GNB1L: variants seen among roughly 807,000 people sequenced by gnomAD.
The protein encoded by GNB1L is guanine nucleotide-binding protein subunit beta-like protein 1.
A neutral mutation model predicts 29.1 loss-of-function variants in GNB1L; 20 were observed. That is an observed-to-expected ratio of 0.69 (90% CI 0.48 to 1.00). The LOEUF (loss-of-function observed/expected upper bound fraction) is 1.00, where lower values mean the gene tolerates loss of function less well. Among genes scored for constraint, GNB1L ranks in the 50% least tolerant of loss-of-function variants. The pLI is 0.00. For synonymous variants in GNB1L, 193 were observed against 206.5 expected (o/e 0.93, Z 0.56); for missense variants, 421 against 464.9 (o/e 0.91, Z 0.87).
intron 2 of GNB1L, chr22:19,846,104 A>G (rs1937954019): frequency 6.6e-6 from 1 of 151,822 alleles, no homozygotes; most frequent in African/African-American, 2.4e-5. Context: ...TCAGGACATA[A>G]TAGGTTATGC....
At position 19,820,320 on chromosome 22, in the gene GNB1L, C is replaced by T. The variant is rs187388070; in HGVS notation, c.254+278G>A. On this transcript the variant is annotated intron_variant, in intron 4 of 7. Coordinates refer to ENST00000329517, the MANE Select transcript of GNB1L (RefSeq NM_053004.3). ...CGCCTGGGCTCACCTCAGATGTCACCAGCCCTGGAGCTCTGGCCTCCTCAC... is the reference window on the plus strand; with the variant it reads ...CGCCTGGGCTCACCTCAGATGTCACTAGCCCTGGAGCTCTGGCCTCCTCAC... Among the ~76,000 whole-genome samples, 18 of 152,328 alleles carry T rather than the reference C, an allele frequency of 1.2e-4. No individual in the cohort carries two copies. The East Asian group carries it at 3.5e-3, about 29-fold the overall frequency.
At chr22:19,802,782 C>T (rs1349858278) in intron 6 of GNB1L, among the ~76,000 whole-genome samples, 1 of 152,232 alleles carries the variant, frequency 6.6e-6, no homozygotes, top group East Asian at 1.9e-4. Flanking sequence ...CTGCCGAAGC[C>T]CCTGCCCCTG....
chr22:19,787,503 G>C lies in GNB1L; in HGVS notation c.*1206C>G, dbSNP rs1223263669. The C allele has an allele frequency of 1.3e-5, 2 of 152,550 alleles. No individual in the cohort carries two copies. The highest frequency in any genetic ancestry group is 4.8e-5 in the African/African-American group (2 of 41,476). The allele number at this position is 152,550 out of a possible 1,614,324, so 9.4% of individuals were successfully genotyped here. Reference sequence around the variant, plus strand: ...GCCTGGAAACCTGGAAATGCCATGTGGTCCTGCAGGAGGCTGGTGCCACTC... The same window carrying C: ...GCCTGGAAACCTGGAAATGCCATGTCGTCCTGCAGGAGGCTGGTGCCACTC... On this transcript the variant is annotated 3_prime_UTR_variant, in exon 8 of 8. Transcript: ENST00000329517.
At position 19,830,821 on chromosome 22, in the gene GNB1L, C is replaced by T. The variant is rs137896220; in HGVS notation, c.-20-9446G>A. Among the ~76,000 whole-genome samples the T allele has an allele frequency of 3.9e-3, 587 of 152,286 alleles. 1 individual carries two copies. Among genetic ancestry groups the T allele is most frequent in the Middle Eastern group, 0.01 (3 of 294 alleles). ...AGTCTTTAGGATTAAAAGTATAGTA[C>T]TCCTGTATAGACAGATGGATCAGTG... On this transcript the variant is annotated intron_variant, in intron 2 of 7. Transcript: ENST00000329517.
chr22:19,798,326 G>A (rs538091915), intron 7 of GNB1L, among the ~76,000 whole-genome samples: 11 of 152,338 alleles, frequency 7.2e-5, no homozygotes, highest in African/African-American at 2.4e-4. Context: ...AGGAACTGGC[G>A]GCTGGGAAGA....
At chr22:19,792,705 G>A (rs931248691) in intron 7 of GNB1L, 30 of 1,476,572 alleles carry the variant, frequency 2.0e-5, no homozygotes, top group African/African-American at 2.8e-5. Flanking sequence ...TGTCCTTCGA[G>A]CAGGAGTTAA....
chr22:19,814,885 A>C lies in GNB1L; in HGVS notation c.255-2438T>G, dbSNP rs537554534. On this transcript the variant is annotated intron_variant, in intron 4 of 7. Transcript: ENST00000329517. ...CCATCTCTACAAAAAATGTTTTTTAAATTAGTCAAGCTTGGTGGCGTGCAC... is the reference window on the plus strand; with the variant it reads ...CCATCTCTACAAAAAATGTTTTTTACATTAGTCAAGCTTGGTGGCGTGCAC... Among the ~76,000 whole-genome samples the C allele has an allele frequency of 7.2e-5, 11 of 152,252 alleles. No individual in the cohort carries two copies. In the East Asian group the frequency reaches 2.1e-3, roughly 29 times the overall value.
chr22:19,849,400 C>T (rs1381294304), intron 2 of GNB1L: 1 of 673,512 alleles, frequency 1.5e-6, no homozygotes, highest in Non-Finnish European at 1.8e-6. Context: ...TGGAGTTTCA[C>T]TCTTGTTGTC....
chr22:19,853,617 G>C (rs973305939), intron 2 of GNB1L, among the ~76,000 whole-genome samples: 1 of 152,120 alleles, frequency 6.6e-6, no homozygotes, highest in South Asian at 2.1e-4. Context: ...AGTTCCTCCA[G>C]GTACCTCCCA....
intron 3 of GNB1L, 95 bp downstream of exon 3, chr22:19,821,133 G>T (rs1195323227): frequency 7.7e-7 from 1 of 1,290,396 alleles, no homozygotes; most frequent in Non-Finnish European, 1.1e-6. Context: ...CATGCCCCTT[G>T]GCCAGCACCC....
chr22:19,783,387 G>A lies in GNB1L; in HGVS notation c.*5322C>T. On this transcript the variant is annotated 3_prime_UTR_variant, in exon 8 of 8. Coordinates refer to ENST00000329517, the MANE Select transcript of GNB1L (RefSeq NM_053004.3). Reference sequence around the variant, plus strand: ...GGGGACAGATGTGCTGCTGTTCCCAGGCCACCTGCACAGCTGGATGGTGGA... The same window carrying A: ...GGGGACAGATGTGCTGCTGTTCCCAAGCCACCTGCACAGCTGGATGGTGGA... The A allele has an allele frequency of 2.9e-6, 1 of 344,136 alleles. No individual in the cohort carries two copies. The highest frequency in any genetic ancestry group is 2.3e-5 in the South Asian group (1 of 43,064). 21.3% of individuals were successfully genotyped at this position (344,136 alleles called of 1,614,324 possible).
At chr22:19,806,914 C>T (rs1937443482) in intron 5 of GNB1L, among the ~76,000 whole-genome samples, 157 bp from the exon 6 acceptor site, 1 of 152,222 alleles carries the variant, frequency 6.6e-6, no homozygotes, top group Non-Finnish European at 1.5e-5. Flanking sequence ...AATTAGGCTG[C>T]ATGGGCCCTT....
chr22:19,808,085 C>T (rs561285689), intron 5 of GNB1L, among the ~76,000 whole-genome samples: 1 of 152,300 alleles, frequency 6.6e-6, no homozygotes, highest in African/African-American at 2.4e-5. Context: ...TTCTGCTCCA[C>T]TCAGCACCAG....
At position 19,783,462 on chromosome 22, in the gene GNB1L, A is replaced by G. The variant is rs1347085730; in HGVS notation, c.*5247T>C. ...TTACTCGGGAGGCTGAGGCAGGAGG[A>G]TCACTTGAGCCTATTAGTTGGAGGC... On this transcript the variant is annotated 3_prime_UTR_variant, in exon 8 of 8. Coordinates refer to ENST00000329517, the MANE Select transcript of GNB1L (RefSeq NM_053004.3). 3 of 282,300 alleles carry G rather than the reference A, an allele frequency of 1.1e-5. No individual in the cohort carries two copies. Among genetic ancestry groups the G allele is most frequent in the Non-Finnish European group, 2.1e-5 (3 of 144,194 alleles). The allele number at this position is 282,300 out of a possible 1,614,324, so 17.5% of individuals were successfully genotyped here.
At position 19,820,687 on chromosome 22, in the gene GNB1L, C is replaced by G; in HGVS notation, c.165G>C (p.Gln55His). 6.2e-7 allele frequency: 1 copy of G among 1,613,680 alleles called. No homozygotes were observed. Among genetic ancestry groups the G allele is most frequent in the Non-Finnish European group, 8.5e-7 (1 of 1,179,928 alleles). ...QSGLVHIWSL[Q>H]TRRAVTTLDG... ...CCAGGGTGGTAACCGCTCTCCGCGT[C>G]TGCAGGCTCCAGATGTGTACCAGGC... Residue 55 changes from glutamine to histidine, a missense_variant, in exon 4 of 8, where the codon CAG (glutamine) becomes CAC (histidine). Physicochemically the swap from Gln to His is conservative, Grantham distance 24 (BLOSUM62 0). Coordinates refer to ENST00000329517, the MANE Select transcript of GNB1L (RefSeq NM_053004.3).
chr22:19,797,895 ACATCCCAGACG>A (rs1303379828), intron 7 of GNB1L, among the ~76,000 whole-genome samples: 1 of 151,724 alleles, frequency 6.6e-6, no homozygotes, highest in Non-Finnish European at 1.5e-5. Flanking sequence ...CAGTCCCAGC[ACATCCCAGACG>A]CTCTGCCTGT....
In GNB1L at chr22:19,854,853, G is replaced by C. The variant is rs1174778250; in HGVS notation, c.-151C>G. ...CGGAGTCGGGAACGCCTGCTCCTAG[G>C]AGCGCCGCGCAGCGTCCAGAGACCG... On this transcript the variant is annotated 5_prime_UTR_variant, in exon 1 of 8. Coordinates refer to ENST00000329517, the MANE Select transcript of GNB1L (RefSeq NM_053004.3). 1 of 152,270 alleles carries C rather than the reference G, an allele frequency of 6.6e-6. No individual in the cohort carries two copies. The highest frequency in any genetic ancestry group is 1.5e-5 in the Non-Finnish European group (1 of 68,072). The allele number at this position is 152,270 out of a possible 1,614,324, so 9.4% of individuals were successfully genotyped here.
chr22:19,852,255 G>A (rs1938125996), intron 2 of GNB1L: 8 of 1,602,842 alleles, frequency 5.0e-6, no homozygotes, highest in East Asian at 2.2e-5. Context: ...CACCGGCCAC[G>A]AGGCATGCTG....
intron 2 of GNB1L, among the ~76,000 whole-genome samples, chr22:19,844,856 G>A (rs1011355870): frequency 7.9e-5 from 12 of 152,368 alleles, no homozygotes; most frequent in South Asian, 2.1e-4. Flanking sequence ...TACAGGAAGC[G>A]TGACATCCCC....
Sources: allele counts gnomAD v4.1 joint callset (sites outside exome capture counted in the v4.1 genomes callset), GRCh38; gene constraint gnomAD v4.1.1; transcripts MANE v1.5; gene names NCBI Gene and HGNC (gene_info 2026-07-23, HGNC 2026-07-21).